MFF: variants seen among roughly 807,000 people sequenced by gnomAD.
MFF encodes mitochondrial fission factor.
A neutral mutation model predicts 36.9 loss-of-function variants in MFF; 12 were observed. The ratio of observed to expected loss-of-function variants is 0.33; its 90% confidence interval spans 0.21 to 0.53. The LOEUF is 0.53. Among genes scored for constraint, MFF ranks in the 20% least tolerant of loss-of-function variants. MFF has a pLI of 0.95. For missense variants in MFF, 348 were observed against 366.6 expected (o/e 0.95, Z 0.42); for synonymous variants, 99 against 126.2 (o/e 0.78, Z 1.44).
At chr2:227,347,477 C>A in intron 6 of MFF, 93 bp downstream of exon 6, 2 of 969,256 alleles carry the variant, frequency 2.1e-6, no homozygotes, top group Non-Finnish European at 1.6e-6. Flanking sequence ...CTGTTTTTAC[C>A]TTCTAGCCTC....
At position 227,357,248 on chromosome 2, in the gene MFF, A is replaced by G. The variant is rs563335205; in HGVS notation, c.*131A>G. On this transcript the variant is annotated 3_prime_UTR_variant, in exon 9 of 9. Transcript: ENST00000304593. ...ACCCTGAAAATGTATTTCTTCCAGA[A>G]AGTCTGGAGGAAGGACCTATATTTG... is the stretch of plus-strand genomic sequence containing the variant. 2 of 1,006,582 alleles carry G rather than the reference A, an allele frequency of 2.0e-6. No homozygotes were observed. The highest frequency in any genetic ancestry group is 2.8e-5 in the Admixed American group (1 of 36,178). The allele number at this position is 1,006,582 out of a possible 1,614,324, so 62.4% of individuals were successfully genotyped here. A position where few individuals can be genotyped will look rare whatever the true frequency, so the allele number is the denominator to read the frequency against.
rs770052695 is a variant in MFF at position 227,347,260 on chromosome 2, C to T, written c.475C>T (p.Pro159Ser). 2.5e-6 allele frequency: 4 copies of T among 1,613,726 alleles called. No individual in the cohort carries two copies. In the Admixed American group the frequency reaches 5.0e-5, roughly 20 times the overall value. The change falls in exon 6 of 9, where the codon CCT becomes TCT. Residue 159 changes from proline to serine, a missense_variant. Coordinates refer to ENST00000304593, the MANE Select transcript of MFF (RefSeq NM_001277062.2). ...TPSPQQARVC[P>S]PHMLPEDGAN... ...ATCGCCACAACAGGCTCGGGTCTGT[C>T]CTCCCCATATGTTACCTGAAGATGG... is the stretch of plus-strand genomic sequence containing the variant.
chr2:227,327,177 G>GA lies in MFF; in HGVS notation c.-152-1491dup, dbSNP rs557318743. ...AAGTTAATGTACTCTGTGAATATGGGAAAAAAAAAACCCATGAAGTTGGCA... is the reference window on the plus strand; with the variant it reads ...AAGTTAATGTACTCTGTGAATATGGGAAAAAAAAAAACCCATGAAGTTGGCA... On this transcript the variant is annotated intron_variant, in intron 1 of 8. Transcript: ENST00000304593. 2.7e-3 allele frequency among the ~76,000 whole-genome samples: 407 copies of GA among 148,348 alleles called. 4 individuals are homozygous for GA. Among genetic ancestry groups the GA allele is most frequent in the Non-Finnish European group, 3.9e-3 (263 of 66,774 alleles).
intron 6 of MFF, among the ~76,000 whole-genome samples, chr2:227,348,257 A>G (rs559366359): frequency 2.2e-4 from 33 of 152,330 alleles, no homozygotes; most frequent in Admixed American, 1.2e-3. Context: ...TTAGGAACGA[A>G]TATGACTTCT....
intron 6 of MFF, among the ~76,000 whole-genome samples, chr2:227,350,168 G>A (rs2075918205): frequency 6.6e-6 from 1 of 152,064 alleles, no homozygotes; most frequent in African/African-American, 2.4e-5. Context: ...TATTTACACA[G>A]GTGAGTGTTA....
chr2:227,333,100 C>T (rs1254707465), intron 4 of MFF, among the ~76,000 whole-genome samples: 5 of 152,212 alleles, frequency 3.3e-5, no homozygotes, highest in Non-Finnish European at 2.9e-5. Context: ...CGAATCCTGC[C>T]TTTGTCATTG....
chr2:227,351,877 C>G (rs1574990359), intron 6 of MFF: 1 of 152,186 alleles, frequency 6.6e-6, no homozygotes, highest in South Asian at 2.1e-4. Flanking sequence ...GTGGATTGCC[C>G]TTCCTGTAAT....
At chr2:227,348,775 GTAA>G (rs2075839790) in intron 6 of MFF, among the ~76,000 whole-genome samples, 1 of 152,164 alleles carries the variant, frequency 6.6e-6, no homozygotes, top group Admixed American at 6.5e-5. Context: ...GAGAGGAAGG[GTAA>G]TAATATCTAG....
intron 4 of MFF, among the ~76,000 whole-genome samples, chr2:227,337,957 A>G (rs891440748): frequency 6.6e-6 from 1 of 151,744 alleles, no homozygotes; most frequent in Non-Finnish European, 1.5e-5. Flanking sequence ...AGGCATGAAA[A>G]TCTCTTGAAC....
chr2:227,355,306 A>G (rs1188996927), intron 7 of MFF: 2 of 159,912 alleles, frequency 1.3e-5, no homozygotes, highest in African/African-American at 2.4e-5. Flanking sequence ...ACATATGGAC[A>G]TAAGTTTGTG....
chr2:227,336,206 A>G (rs1235228361), intron 4 of MFF, among the ~76,000 whole-genome samples: 1 of 152,184 alleles, frequency 6.6e-6, no homozygotes, highest in Non-Finnish European at 1.5e-5. Flanking sequence ...AAAGATGTGG[A>G]CTCTGCCGTT....
chr2:227,331,949 C>A lies in MFF; in HGVS notation c.182-470C>A, dbSNP rs117710379. 3.3e-3 allele frequency among the ~76,000 whole-genome samples: 470 copies of A among 142,660 alleles called. 11 individuals are homozygous for A. In the East Asian group the frequency reaches 0.048, roughly 15 times the overall value. The allele number at this position is 142,660 out of a possible 152,430, so 93.6% of individuals were successfully genotyped here. A position where few individuals can be genotyped will look rare whatever the true frequency, so the allele number is the denominator to read the frequency against. On this transcript the variant is annotated intron_variant, in intron 3 of 8. Transcript: ENST00000304593. ...GATAAATATTAGTGAAATGTCAATA[C>A]GCTGGAAGCATTTTTTTTTTTTTTT...
chr2:227,334,121 T>C (rs1422593332), intron 4 of MFF, among the ~76,000 whole-genome samples: 1 of 152,218 alleles, frequency 6.6e-6, no homozygotes, highest in African/African-American at 2.4e-5. Flanking sequence ...GGCAAGTTAT[T>C]TAACAGTTCT....
chr2:227,352,359 A>C, intron 6 of MFF, 155 bp from the exon 7 acceptor site: 1 of 582,092 alleles, frequency 1.7e-6, no homozygotes. Context: ...CACATGAGAC[A>C]AGGATTTTTT....
At chr2:227,349,726 G>A (rs976934011) in intron 6 of MFF, among the ~76,000 whole-genome samples, 1 of 152,090 alleles carries the variant, frequency 6.6e-6, no homozygotes, top group African/African-American at 2.4e-5. Flanking sequence ...TGACTTTTCA[G>A]ATATAAGAAA....
At chr2:227,335,171 C>CA (rs386392817) in intron 4 of MFF, among the ~76,000 whole-genome samples, 61,953 of 128,568 alleles carry the variant, frequency 0.48, 15,606 homozygotes, top group Admixed American at 0.57. Flanking sequence ...CTCTGTCTCT[C>CA]AAAAAAAAAA....
chr2:227,342,674 A>G (rs915804619), intron 5 of MFF: 11 of 1,289,324 alleles, frequency 8.5e-6, no homozygotes, highest in Non-Finnish European at 1.2e-5. Context: ...TCTAAACAGT[A>G]AAATCAGATC....
rs2074362330 is a variant in MFF at position 227,328,800 on chromosome 2, A to G, written c.-41+11A>G. ...AGTTGTTACACATTTGTGAGTAAAA[A>G]TGGTCCCTTTTGGCTTACTTTCTTA... is the stretch of plus-strand genomic sequence containing the variant. On this transcript the variant is annotated intron_variant, in intron 2 of 8. Transcript: ENST00000304593. The G allele has an allele frequency of 6.6e-6, 1 of 152,270 alleles. No individual in the cohort carries two copies. Among genetic ancestry groups the G allele is most frequent in the Non-Finnish European group, 1.5e-5 (1 of 68,056 alleles). The allele number at this position is 152,270 out of a possible 1,614,324, so 9.4% of individuals were successfully genotyped here.
At chr2:227,348,787 A>G (rs2075840348) in intron 6 of MFF, among the ~76,000 whole-genome samples, 1 of 152,180 alleles carries the variant, frequency 6.6e-6, no homozygotes, top group African/African-American at 2.4e-5. Flanking sequence ...AATAATATCT[A>G]GCTTTGTGAA....
Sources: gnomAD v4.1 joint callset for allele counts (sites outside exome capture counted in the v4.1 genomes callset) on GRCh38, gnomAD v4.1.1 for gene constraint, MANE v1.5 for transcripts, NCBI Gene and HGNC (gene_info 2026-07-23, HGNC 2026-07-21) for gene names.